The following PDE1C variants were observed in gnomAD, a reference collection of about 807,000 sequenced individuals.
PDE1C encodes phosphodiesterase 1C.
Under a neutral mutation model 93.1 loss-of-function variants are expected in PDE1C, and 62 were observed. That is an observed-to-expected ratio of 0.67 (90% confidence interval 0.54 to 0.82). The LOEUF is 0.82. PDE1C is among the 40% of genes least tolerant of loss of function. The probability of loss-of-function intolerance (pLI) is 0.00; values close to 1 mark genes in which losing one functional copy is unlikely to be tolerated. For missense variants in PDE1C, 742 were observed against 884.6 expected, an observed-to-expected ratio of 0.84 and a Z score of 2.04; for synonymous variants, 325 against 310.1, an observed-to-expected ratio of 1.05 and a Z score of -0.50.
intron 3 of PDE1C, among the ~76,000 whole-genome samples, chr7:32,144,076 G>A (rs1429518592): frequency 6.6e-6 from 1 of 152,088 alleles, no homozygotes; most frequent in African/African-American, 2.4e-5. Flanking sequence ...GGCTTGCCAT[G>A]GTGGGCAGTG....
At chr7:31,688,652 G>A in the PDE1C span, among the ~76,000 whole-genome samples, 1 of 152,282 alleles carries the variant, frequency 6.6e-6, no homozygotes, top group African/African-American at 2.4e-5. Context: ...GCTCTTAGTG[G>A]TATTTGCATT....
intron 1 of PDE1C, among the ~76,000 whole-genome samples, chr7:32,335,634 T>G (rs1252187174): frequency 6.6e-6 from 1 of 152,186 alleles, no homozygotes; most frequent in East Asian, 1.9e-4. Context: ...TCTCTTCTTC[T>G]CATAAGGACA....
At chr7:32,102,358 A>C (rs1798082803) in intron 3 of PDE1C, among the ~76,000 whole-genome samples, 1 of 152,118 alleles carries the variant, frequency 6.6e-6, no homozygotes, top group African/African-American at 2.4e-5. Context: ...GAGGTCTACT[A>C]GTTTTTTTGC....
At chr7:31,697,201 CCGTTGTCCTGCCCCAGCAAGCTG>C in the PDE1C span, 84 of 1,515,882 alleles carry the variant, frequency 5.5e-5, no homozygotes, top group East Asian at 1.2e-4. Flanking sequence ...CAGGGCCTGG[CCGTTGTCCTGCCCCAGCAAGCTG>C]CGTTGTCCTG....
At chr7:32,329,527 C>A (rs1175668661) in intron 1 of PDE1C, among the ~76,000 whole-genome samples, 1 of 152,178 alleles carries the variant, frequency 6.6e-6, no homozygotes, top group African/African-American at 2.4e-5. Flanking sequence ...GTAGGTTTAC[C>A]TTTTCCACAG....
chr7:32,057,456 C>T (rs1794273022), intron 1 of PDE1C, among the ~76,000 whole-genome samples: 2 of 152,190 alleles, frequency 1.3e-5, no homozygotes, highest in South Asian at 4.1e-4. Flanking sequence ...TCAACGGCTT[C>T]GGTCCATTTA....
At chr7:31,734,997 G>A in the PDE1C span, among the ~76,000 whole-genome samples, 4 of 152,142 alleles carry the variant, frequency 2.6e-5, no homozygotes, top group Non-Finnish European at 5.9e-5. Flanking sequence ...ATCTTTTGAT[G>A]TCACCTGGGA....
At chr7:32,065,458 G>A (rs6967959) in intron 1 of PDE1C, among the ~76,000 whole-genome samples, 49,004 of 151,848 alleles carry the variant, frequency 0.32, 9,675 homozygotes, top group Non-Finnish European at 0.46. Context: ...ACCTTCTCTG[G>A]CCCTCCCAGG....
At chr7:32,370,941 G>A (rs1784321489) in intron 1 of PDE1C, among the ~76,000 whole-genome samples, 1 of 151,562 alleles carries the variant, frequency 6.6e-6, no homozygotes, top group South Asian at 2.1e-4. Context: ...ATTATATTAA[G>A]TGAAATAAGC....
At chr7:31,882,148 G>C (rs1425687464) in intron 2 of PDE1C, among the ~76,000 whole-genome samples, 1 of 152,128 alleles carries the variant, frequency 6.6e-6, no homozygotes, top group Non-Finnish European at 1.5e-5. Flanking sequence ...ATTTCCAGGA[G>C]TTTCAATGAT....
intron 1 of PDE1C, among the ~76,000 whole-genome samples, chr7:32,326,299 G>A (rs1458714193): frequency 6.6e-6 from 1 of 152,208 alleles, no homozygotes; most frequent in Non-Finnish European, 1.5e-5. Flanking sequence ...TGAGCTAGAG[G>A]CATAAATGTG....
intron 1 of PDE1C, among the ~76,000 whole-genome samples, chr7:32,417,799 G>T (rs1785305749): frequency 6.6e-6 from 1 of 151,608 alleles, no homozygotes; most frequent in South Asian, 2.1e-4. Flanking sequence ...AGTTTTTCTT[G>T]ATATTGTAAT....
chr7:31,653,073 G>A, the PDE1C span: 237 of 959,352 alleles, frequency 2.5e-4, no homozygotes, highest in Middle Eastern at 2.5e-3. Context: ...AATAGTATAC[G>A]GTCTCTGCCC....
chr7:31,658,537 G>A, the PDE1C span: 12 of 501,540 alleles, frequency 2.4e-5, no homozygotes, highest in South Asian at 9.5e-4. Flanking sequence ...TGGAATGGTG[G>A]GTTGCATACG....
chr7:32,010,065 A>G (rs1363933595), intron 2 of PDE1C, among the ~76,000 whole-genome samples: 1 of 152,240 alleles, frequency 6.6e-6, no homozygotes, highest in Non-Finnish European at 1.5e-5. Context: ...TTTATAGGTC[A>G]GAAGACGTGA....
intron 2 of PDE1C, among the ~76,000 whole-genome samples, chr7:31,969,593 A>T (rs962987912): frequency 3.9e-5 from 6 of 152,202 alleles, no homozygotes; most frequent in African/African-American, 4.8e-5. Context: ...GCGATTCCTC[A>T]GGGATCTGGA....
intron 16 of PDE1C, among the ~76,000 whole-genome samples, chr7:31,791,275 T>C (rs981409363): frequency 6.6e-6 from 1 of 152,160 alleles, no homozygotes; most frequent in Non-Finnish European, 1.5e-5. Flanking sequence ...CTTTATTATG[T>C]TCTTGATTGT....
At chr7:31,856,228 G>T (rs191119495) in intron 7 of PDE1C, among the ~76,000 whole-genome samples, 1 of 152,184 alleles carries the variant, frequency 6.6e-6, no homozygotes, top group Non-Finnish European at 1.5e-5. Context: ...AAAGGTTAGA[G>T]TAACAGTATG....
rs117025266 is a variant in PDE1C at position 32,206,998 on chromosome 7, C to T, written c.136+2491G>A. Among the ~76,000 whole-genome samples, 106 of 152,298 alleles carry T rather than the reference C, an allele frequency of 7.0e-4. 1 individual carries two copies. The East Asian group carries it at 0.012, about 17-fold the overall frequency. ...CCTCACTTCTAGGAGAATGACTTCC[C>T]CATGTTACTGTATGTGCCCACAGTT... On this transcript the variant is annotated intron_variant, in intron 2 of 18. Transcript: ENST00000396193.
Sources: allele counts gnomAD v4.1 joint callset (sites outside exome capture counted in the v4.1 genomes callset), GRCh38; gene constraint gnomAD v4.1.1; transcripts MANE v1.5; gene names NCBI Gene and HGNC (gene_info 2026-07-23, HGNC 2026-07-21).